RAB10: variants seen among roughly 807,000 people sequenced by gnomAD.
RAB10 encodes the protein ras-related protein Rab-10.
RAB10 carries 5 observed loss-of-function variants against 25.7 expected under a neutral mutation model. That is an observed-to-expected ratio of 0.19 (90% CI 0.10 to 0.41). The LOEUF (loss-of-function observed/expected upper bound fraction) is 0.41, where lower values mean the gene tolerates loss of function less well. Among genes scored for constraint, RAB10 ranks in the 10% least tolerant of loss-of-function variants. The probability of loss-of-function intolerance (pLI) is 1.00; values close to 1 mark genes in which losing one functional copy is unlikely to be tolerated. For missense variants in RAB10, 103 were observed against 245.8 expected, an observed-to-expected ratio of 0.42 and a Z score of 3.89; for synonymous variants, 89 against 86.4, an observed-to-expected ratio of 1.03 and a Z score of -0.16.
intron 1 of RAB10, among the ~76,000 whole-genome samples, chr2:26,054,548 G>A (rs968619938): frequency 1.3e-5 from 2 of 152,166 alleles, no homozygotes; most frequent in Admixed American, 6.6e-5. Context: ...TTAATGTGGG[G>A]ATATATATTC....
chr2:26,079,729 G>C (rs1175494461), intron 1 of RAB10, among the ~76,000 whole-genome samples: 1 of 149,730 alleles, frequency 6.7e-6, no homozygotes, highest in Non-Finnish European at 1.5e-5. Flanking sequence ...GCAGTGGTGG[G>C]ATCACAACTC....
At chr2:26,096,292 T>C (rs1055153609) in intron 1 of RAB10, among the ~76,000 whole-genome samples, 1 of 152,230 alleles carries the variant, frequency 6.6e-6, no homozygotes, top group South Asian at 2.1e-4. Flanking sequence ...ATTCATAACA[T>C]GATACAGTCA....
At chr2:26,083,197 GAAAT>G (rs537965132) in intron 1 of RAB10, among the ~76,000 whole-genome samples, 27 of 152,218 alleles carry the variant, frequency 1.8e-4, no homozygotes, top group African/African-American at 3.9e-4. Flanking sequence ...TAAAGCAAGA[GAAAT>G]AAGTCAGAAG....
chr2:26,098,243 C>G (rs1362414239), intron 1 of RAB10, among the ~76,000 whole-genome samples: 3 of 151,588 alleles, frequency 2.0e-5, no homozygotes, highest in Admixed American at 2.0e-4. Context: ...ACCTCAGCCT[C>G]CTGAGCAGCT....
At position 26,113,380 on chromosome 2, in the gene RAB10, C is replaced by G. The variant is rs1292471443; in HGVS notation, c.327+3474C>G. On this transcript the variant is annotated intron_variant, in intron 3 of 5. Coordinates refer to ENST00000264710, the MANE Select transcript of RAB10 (RefSeq NM_016131.5). ...CCTGAGGTCAGGAGTTCGAGACCAG[C>G]CTGGCCAACATGGTGAAACCTCGTC... Among the ~76,000 whole-genome samples, 4 of 152,028 alleles carry G rather than the reference C, an allele frequency of 2.6e-5. No individual in the cohort carries two copies. In the South Asian group the frequency reaches 8.3e-4, roughly 32 times the overall value.
intron 1 of RAB10, among the ~76,000 whole-genome samples, chr2:26,039,441 A>T (rs554221703): frequency 6.6e-6 from 1 of 151,832 alleles, no homozygotes; most frequent in African/African-American, 2.4e-5. Flanking sequence ...CACTTCCCAG[A>T]TTCAAGCAAT....
At chr2:26,046,644 T>G (rs1410411327) in intron 1 of RAB10, among the ~76,000 whole-genome samples, 5 of 152,204 alleles carry the variant, frequency 3.3e-5, no homozygotes, top group Non-Finnish European at 5.9e-5. Context: ...TTCGAACTCC[T>G]AGGCTCAATC....
chr2:26,074,460 T>C (rs888636053), intron 1 of RAB10, among the ~76,000 whole-genome samples: 2 of 152,134 alleles, frequency 1.3e-5, no homozygotes, highest in African/African-American at 4.8e-5. Context: ...CTCTTGTCGC[T>C]CAGGCTGGAG....
At chr2:26,104,967 G>A (rs2149282236) in intron 2 of RAB10, among the ~76,000 whole-genome samples, 1 of 152,092 alleles carries the variant, frequency 6.6e-6, no homozygotes, top group African/African-American at 2.4e-5. Context: ...TCAGTCTCCT[G>A]ACCTCGTGAT....
upstream of RAB10, chr2:26,034,032 C>T: frequency 5.0e-6 from 2 of 399,540 alleles, no homozygotes; most frequent in Non-Finnish European, 8.8e-6. Flanking sequence ...TGCGCAGAGG[C>T]GGACCGCAAG....
intron 1 of RAB10, among the ~76,000 whole-genome samples, chr2:26,096,790 A>T (rs1212316520): frequency 6.6e-6 from 1 of 152,118 alleles, no homozygotes; most frequent in African/African-American, 2.4e-5. Flanking sequence ...AAATTTTGAT[A>T]TTCTCATTTT....
intron 2 of RAB10, among the ~76,000 whole-genome samples, chr2:26,106,878 C>G (rs978584431): frequency 7.2e-5 from 11 of 151,794 alleles, no homozygotes; most frequent in South Asian, 4.1e-4. Flanking sequence ...GAGCAAGACT[C>G]TGTCTCAAAA....
At chr2:26,129,238 C>T (rs1667964526) in intron 5 of RAB10, among the ~76,000 whole-genome samples, 1 of 146,120 alleles carries the variant, frequency 6.8e-6, no homozygotes, top group South Asian at 2.1e-4. Flanking sequence ...CCACTGCATG[C>T]CAGCTTGGGG....
chr2:26,126,426 A>G (rs2149289366), intron 3 of RAB10, among the ~76,000 whole-genome samples: 1 of 152,250 alleles, frequency 6.6e-6, no homozygotes, highest in South Asian at 2.1e-4. Flanking sequence ...CCAGAAAACT[A>G]CAAAAATTAG....
chr2:26,040,504 A>G (rs1275672719), intron 1 of RAB10, among the ~76,000 whole-genome samples: 1 of 152,042 alleles, frequency 6.6e-6, no homozygotes, highest in Non-Finnish European at 1.5e-5. Flanking sequence ...TGCAAAAACA[A>G]AAAATTAGCA....
At chr2:26,063,392 C>T (rs1666450068) in intron 1 of RAB10, among the ~76,000 whole-genome samples, 1 of 151,714 alleles carries the variant, frequency 6.6e-6, no homozygotes, top group African/African-American at 2.4e-5. Context: ...CTCATTATTA[C>T]CATTTTATTA....
chr2:26,051,130 G>T lies in RAB10; in HGVS notation c.127+16395G>T, dbSNP rs115594449. On this transcript the variant is annotated intron_variant, in intron 1 of 5. Coordinates refer to ENST00000264710, the MANE Select transcript of RAB10 (RefSeq NM_016131.5). ...TTTTTAAATTTTTTGTAGAGACTGG[G>T]CCTCACTATGTTGTCCAGGCTGATC... Among the ~76,000 whole-genome samples, 410 of 151,894 alleles carry T rather than the reference G, an allele frequency of 2.7e-3. 1 individual carries two copies. The highest frequency in any genetic ancestry group is 9.6e-3 in the African/African-American group (398 of 41,424).
rs576478751 is a variant in RAB10, at chr2:26,038,208, T to TC, written c.127+3473_127+3474insC. 4.3e-4 allele frequency among the ~76,000 whole-genome samples: 65 copies of TC among 151,764 alleles called. 2 individuals are homozygous for TC. In the South Asian group the frequency reaches 0.013, roughly 30 times the overall value. On this transcript the variant is annotated intron_variant, in intron 1 of 5. Transcript: ENST00000264710. ...CCTCCTTTGTTTGTTTGTTTTTTTT[T>TC]TTTTTGAGATGGATTTTCGCTTTTG...
chr2:26,121,398 G>A (rs1264162267), intron 3 of RAB10, among the ~76,000 whole-genome samples: 1 of 152,074 alleles, frequency 6.6e-6, no homozygotes. Flanking sequence ...TGCCCAGGCT[G>A]GTCTCAAACT....
Sources: gnomAD v4.1 joint callset for allele counts (sites outside exome capture counted in the v4.1 genomes callset) on GRCh38, gnomAD v4.1.1 for gene constraint, MANE v1.5 for transcripts, NCBI Gene and HGNC (gene_info 2026-07-23, HGNC 2026-07-21) for gene names.